Variants in ERC1 observed in about 807,000 individuals in gnomAD.
ERC1 encodes ELKS/RAB6-interacting/CAST family member 1, also known as RAB6 interacting protein 2.
In ERC1, 56 loss-of-function variants were observed where a neutral mutation model predicts 132.0. The ratio of observed to expected loss-of-function variants is 0.42; its 90% CI spans 0.34 to 0.53. The LOEUF (loss-of-function observed/expected upper bound fraction) is 0.53, where lower values mean the gene tolerates loss of function less well. Among genes scored for constraint, ERC1 ranks in the 20% least tolerant of loss-of-function variants. The probability of loss-of-function intolerance (pLI) is 0.03; values close to 1 mark genes in which losing one functional copy is unlikely to be tolerated. For synonymous variants in ERC1, 478 were observed against 476.1 expected (o/e 1.00, Z -0.05); for missense variants, 1,202 against 1,349.9 (o/e 0.89, Z 1.72).
intron 17 of ERC1, among the ~76,000 whole-genome samples, chr12:1,437,712 G>A (rs1240938861): frequency 6.6e-6 from 1 of 152,142 alleles, no homozygotes; most frequent in Admixed American, 6.5e-5. Context: ...CAGCTTTGAG[G>A]ACATAATGTT....
At chr12:1,211,231 C>G (rs1371897961) in intron 12 of ERC1, among the ~76,000 whole-genome samples, 3 of 152,018 alleles carry the variant, frequency 2.0e-5, no homozygotes, top group African/African-American at 7.3e-5. Flanking sequence ...TTACCGCAAC[C>G]TCCGCCTCCT....
chr12:1,372,022 C>T, intron 16 of ERC1, 45 bp downstream of exon 16: 1 of 1,600,738 alleles, frequency 6.2e-7, no homozygotes, highest in Non-Finnish European at 8.5e-7. Context: ...CCAGCTTTCA[C>T]ACCATTCTCC....
chr12:1,239,464 A>G (rs2075652391), intron 13 of ERC1, among the ~76,000 whole-genome samples: 1 of 152,216 alleles, frequency 6.6e-6, no homozygotes, highest in South Asian at 2.1e-4. Flanking sequence ...ATCGTGGCTT[A>G]TGCTAATCCT....
At chr12:1,060,903 A>G (rs1937716021) in intron 2 of ERC1, among the ~76,000 whole-genome samples, 1 of 151,030 alleles carries the variant, frequency 6.6e-6, no homozygotes, top group South Asian at 2.1e-4. Flanking sequence ...TTTTTTTTGC[A>G]TTTTTAGTAG....
chr12:1,293,773 A>C (rs1410760402), intron 15 of ERC1, among the ~76,000 whole-genome samples: 1 of 152,220 alleles, frequency 6.6e-6, no homozygotes, highest in African/African-American at 2.4e-5. Context: ...GGAAAATAAA[A>C]ATGAAAATGC....
At chr12:1,323,473 A>C (rs1372288413) in intron 15 of ERC1, among the ~76,000 whole-genome samples, 1 of 152,212 alleles carries the variant, frequency 6.6e-6, no homozygotes, top group African/African-American at 2.4e-5. Flanking sequence ...AGAAATGGTC[A>C]CTGTCTATAA....
chr12:1,093,001 C>G (rs1242018266), intron 3 of ERC1, among the ~76,000 whole-genome samples: 2 of 152,172 alleles, frequency 1.3e-5, no homozygotes, highest in East Asian at 3.8e-4. Context: ...AGTTTTGTGT[C>G]ATGATTTATT....
chr12:1,376,576 T>G (rs2087945320), intron 16 of ERC1, among the ~76,000 whole-genome samples: 1 of 152,190 alleles, frequency 6.6e-6, no homozygotes, highest in South Asian at 2.1e-4. Context: ...TCTTCATTAT[T>G]TGGGGAAGCG....
intron 14 of ERC1, among the ~76,000 whole-genome samples, chr12:1,284,294 G>GTGTGTT (rs1566481901): frequency 6.8e-6 from 1 of 147,464 alleles, no homozygotes; most frequent in Non-Finnish European, 1.5e-5. Context: ...GTGTGTGTGT[G>GTGTGTT]TGTGTGTGTG....
intron 12 of ERC1, among the ~76,000 whole-genome samples, chr12:1,208,562 T>C (rs1957551036): frequency 6.6e-6 from 1 of 152,046 alleles, no homozygotes. Flanking sequence ...CCTTGGAGCA[T>C]GGGGGTGAAG....
intron 16 of ERC1, among the ~76,000 whole-genome samples, chr12:1,392,736 T>G (rs2090082330): frequency 6.6e-6 from 1 of 152,206 alleles, no homozygotes; most frequent in Non-Finnish European, 1.5e-5. Context: ...TATGAAGAGA[T>G]AGATAATTTA....
At chr12:1,057,876 G>T (rs1235705545) in intron 2 of ERC1, among the ~76,000 whole-genome samples, 1 of 152,070 alleles carries the variant, frequency 6.6e-6, no homozygotes, top group Admixed American at 6.6e-5. Context: ...TTACAAGCGT[G>T]AGCCACCGCA....
At chr12:1,297,144 G>A (rs2080017754) in intron 15 of ERC1, among the ~76,000 whole-genome samples, 1 of 150,828 alleles carries the variant, frequency 6.6e-6, no homozygotes, top group South Asian at 2.1e-4. Context: ...TGATAGCTGA[G>A]TCCTTATCAG....
rs545834364 is a variant in ERC1, at chr12:1,045,263, A to G, written c.669+16691A>G. ...TTTCCCTATTATTTACTCCACTGAC[A>G]TTAAAATTGTAGCATTACATCTGAG... On this transcript the variant is annotated intron_variant, in intron 2 of 18. Transcript: ENST00000360905. Among the ~76,000 whole-genome samples, 67 of 152,286 alleles carry G rather than the reference A, an allele frequency of 4.4e-4. No individual in the cohort carries two copies. In the South Asian group the frequency reaches 0.013, roughly 31 times the overall value.
chr12:1,363,363 T>C (rs2086322359), intron 15 of ERC1, among the ~76,000 whole-genome samples: 1 of 152,098 alleles, frequency 6.6e-6, no homozygotes, highest in African/African-American at 2.4e-5. Flanking sequence ...AGGAAAAAAC[T>C]GAACGCAAGT....
Position 1,436,639 on chromosome 12 carries a change from TGTC to T in ERC1, c.3025-7920_3025-7918del, listed in dbSNP as rs201320421. On this transcript the variant is annotated intron_variant, in intron 17 of 18. Coordinates refer to ENST00000360905, the MANE Select transcript of ERC1 (RefSeq NM_178040.4). Reference sequence around the variant, plus strand: ...GACATGTGATAATGCCAAAAGGTGGTGTCGTGCTTGACTGCAGCAGTTACAGCA... The same window carrying T: ...GACATGTGATAATGCCAAAAGGTGGTGTGCTTGACTGCAGCAGTTACAGCA... 6.5e-3 allele frequency among the ~76,000 whole-genome samples: 994 copies of T among 152,302 alleles called. 6 individuals are homozygous for T. The highest frequency in any genetic ancestry group is 0.023 in the African/African-American group (955 of 41,560).
intron 16 of ERC1, among the ~76,000 whole-genome samples, chr12:1,405,318 A>G (rs1276962397): frequency 6.7e-6 from 1 of 150,292 alleles, no homozygotes; most frequent in East Asian, 1.9e-4. Context: ...ATCGTTATGT[A>G]CTGGAGGGAG....
chr12:1,358,230 A>C (rs1233897264), intron 15 of ERC1, among the ~76,000 whole-genome samples: 1 of 149,032 alleles, frequency 6.7e-6, no homozygotes, highest in Admixed American at 6.7e-5. Context: ...AAAAAAAAAA[A>C]CACTAAACTT....
Position 1,183,336 on chromosome 12 carries a change from A to C in ERC1, c.2072A>C (p.Lys691Thr). ...HASSLASSGL[K>T]KDSRLKTLEI... The stretch of plus-strand genomic sequence containing the variant: ...TCTTCTCTGGCATCCTCAGGACTGA[A>C]AAAGGACTCACGGCTTAAGACACTA... Residue 691 changes from lysine (K) to threonine (T), a missense_variant, in exon 11 of 19, where the codon AAA becomes ACA. Lys to Thr is a moderately conservative substitution (Grantham distance 78, BLOSUM62 -1). Transcript: ENST00000360905. The C allele has an allele frequency of 5.0e-6, 8 of 1,600,610 alleles. No homozygotes were observed. The highest frequency in any genetic ancestry group is 6.8e-6 in the Non-Finnish European group (8 of 1,170,824).
Sources: allele counts gnomAD v4.1 joint callset (sites outside exome capture counted in the v4.1 genomes callset), GRCh38; gene constraint gnomAD v4.1.1; transcripts MANE v1.5; gene names NCBI Gene and HGNC (gene_info 2026-07-23, HGNC 2026-07-21).